Variants in ST3GAL6 observed in about 807,000 individuals in gnomAD.
ST3GAL6 encodes the protein type 2 lactosamine alpha-2,3-sialyltransferase.
Under a neutral mutation model 40.5 loss-of-function variants are expected in ST3GAL6, and 31 were observed. That is an observed-to-expected ratio of 0.77 (90% CI 0.58 to 1.03). ST3GAL6 has a LOEUF of 1.03. ST3GAL6 is among the 50% of genes least tolerant of loss of function. ST3GAL6 has a pLI of 0.00. For synonymous variants in ST3GAL6, 129 were observed against 136.9 expected (o/e 0.94, Z 0.40); for missense variants, 357 against 393.2 (o/e 0.91, Z 0.78).
intron 1 of ST3GAL6, among the ~76,000 whole-genome samples, chr3:98,757,089 G>A (rs1456013029): frequency 6.6e-6 from 1 of 152,056 alleles, no homozygotes; most frequent in Admixed American, 6.5e-5. Flanking sequence ...AGACATCAAT[G>A]TATAACTTTA....
At chr3:98,744,085 G>A (rs1036106170) in intron 1 of ST3GAL6, among the ~76,000 whole-genome samples, 5 of 152,308 alleles carry the variant, frequency 3.3e-5, no homozygotes, top group South Asian at 4.1e-4. Context: ...AAAACACCAC[G>A]TGAAGACAGA....
At chr3:98,752,595 G>C (rs921357421) in intron 1 of ST3GAL6, among the ~76,000 whole-genome samples, 2 of 151,692 alleles carry the variant, frequency 1.3e-5, no homozygotes, top group Non-Finnish European at 2.9e-5. Flanking sequence ...CCTCAGCCTC[G>C]CGAGTAGCTG....
chr3:98,759,122 A>G (rs1336134626), upstream of ST3GAL6, among the ~76,000 whole-genome samples: 2 of 152,260 alleles, frequency 1.3e-5, no homozygotes, highest in Non-Finnish European at 2.9e-5. Flanking sequence ...TACCAGGCAA[A>G]GTGACAAGAT....
intron 1 of ST3GAL6, among the ~76,000 whole-genome samples, chr3:98,758,247 A>T (rs1530655): frequency 0.28 from 42,311 of 152,070 alleles, 6,277 homozygotes; most frequent in Admixed American, 0.4. Context: ...CTTGTTAAAC[A>T]TTGCTAGAGT....
chr3:98,786,820 T>TC (rs1940763695), intron 6 of ST3GAL6, among the ~76,000 whole-genome samples: 1 of 151,924 alleles, frequency 6.6e-6, no homozygotes, highest in African/African-American at 2.4e-5. Flanking sequence ...GTGGTTAATG[T>TC]TTCATAATGG....
At position 98,750,970 on chromosome 3, in the gene ST3GAL6, T is replaced by C. The variant is rs560224580; in HGVS notation, c.-11-17460T>C. On this transcript the variant is annotated intron_variant, in intron 1 of 9. Coordinates refer to the ST3GAL6 transcript ENST00000265261. ...CTTCCTTGATTTAAGCTTCCCCAGG[T>C]GTAACTAAATCCCTGTTTCCCCCAG... 5.3e-5 allele frequency among the ~76,000 whole-genome samples: 8 copies of C among 152,222 alleles called. No individual in the cohort carries two copies. The South Asian group carries it at 1.7e-3, about 32-fold the overall frequency.
chr3:98,748,992 A>G (rs1576042174), intron 1 of ST3GAL6, among the ~76,000 whole-genome samples: 2 of 152,258 alleles, frequency 1.3e-5, no homozygotes, highest in Middle Eastern at 3.4e-3. Flanking sequence ...TTGGAACTTG[A>G]TGATTACTTG....
At chr3:98,742,579 A>G (rs1936183436) in intron 1 of ST3GAL6, among the ~76,000 whole-genome samples, 1 of 152,226 alleles carries the variant, frequency 6.6e-6, no homozygotes, top group Admixed American at 6.5e-5. Context: ...TGAGGGGTCC[A>G]TGCTTACCAA....
chr3:98,751,579 A>G (rs1937012377), intron 1 of ST3GAL6, among the ~76,000 whole-genome samples: 1 of 152,232 alleles, frequency 6.6e-6, no homozygotes, highest in Non-Finnish European at 1.5e-5. Context: ...TCTGTAATCT[A>G]CAATTCAGCA....
chr3:98,745,025 T>A lies in ST3GAL6; in HGVS notation c.-12+12493T>A, dbSNP rs536948325. On this transcript the variant is annotated intron_variant, in intron 1 of 9. Transcript: ENST00000265261. The stretch of plus-strand genomic sequence containing the variant: ...AACTGCCTTACAACTTTTTTTTTTT[T>A]AAATTTTATTTATTTATTTATTTTT... 7.4e-4 allele frequency among the ~76,000 whole-genome samples: 113 copies of A among 151,786 alleles called. No individual in the cohort carries two copies. In the South Asian group the frequency reaches 7.9e-3, roughly 11 times the overall value.
chr3:98,758,963 A>C (rs1243419183), upstream of ST3GAL6, among the ~76,000 whole-genome samples: 4 of 152,226 alleles, frequency 2.6e-5, no homozygotes, highest in East Asian at 7.7e-4. Flanking sequence ...GCAAATTCCC[A>C]GGGTGATACA....
At chr3:98,738,656 A>T (rs1166341355) in intron 1 of ST3GAL6, among the ~76,000 whole-genome samples, 3 of 152,252 alleles carry the variant, frequency 2.0e-5, no homozygotes, top group Non-Finnish European at 4.4e-5. Context: ...TCAATTCAAC[A>T]GGAAGACCTA....
intron 5 of ST3GAL6, 66 bp from the exon 6 acceptor site, chr3:98,784,879 C>A: frequency 7.6e-7 from 1 of 1,313,666 alleles, no homozygotes; most frequent in Non-Finnish European, 1.1e-6. Flanking sequence ...TGACAGTATG[C>A]ATGGATTCTT....
Position 98,794,989 on chromosome 3 carries a change from A to T in ST3GAL6, c.*1228A>T, listed in dbSNP as rs1941495539. The T allele has an allele frequency of 6.6e-6, 1 of 152,204 alleles. No individual in the cohort carries two copies. Among genetic ancestry groups the T allele is most frequent in the South Asian group, 2.1e-4 (1 of 4,828 alleles). The allele number at this position is 152,204 out of a possible 1,614,324, so 9.4% of individuals were successfully genotyped here. ...TCCCATGATTAAAGCTAATCTTCAG[A>T]TGGAAAGCTTGCCTGGCTACCTAGG... On this transcript the variant is annotated 3_prime_UTR_variant, in exon 10 of 10. Transcript: ENST00000483910.
At chr3:98,788,681 C>T (rs1412211346) in intron 8 of ST3GAL6, among the ~76,000 whole-genome samples, 2 of 152,070 alleles carry the variant, frequency 1.3e-5, no homozygotes, top group East Asian at 1.9e-4. Flanking sequence ...TTTTTTCCTG[C>T]CCTTGTAGGG....
chr3:98,743,065 G>A (rs961974844), intron 1 of ST3GAL6, among the ~76,000 whole-genome samples: 7 of 137,764 alleles, frequency 5.1e-5, no homozygotes, highest in South Asian at 2.3e-4. Flanking sequence ...CTGGAATATC[G>A]TGGTGCAATC....
chr3:98,740,240 T>TC (rs1403017895), intron 1 of ST3GAL6, among the ~76,000 whole-genome samples: 1 of 151,488 alleles, frequency 6.6e-6, no homozygotes, highest in East Asian at 1.9e-4. Flanking sequence ...TTTTTTTTTT[T>TC]TTTTTTTACA....
In ST3GAL6 at chr3:98,748,647, G is replaced by A. The variant is rs562090204; in HGVS notation, c.-12+16115G>A. Among the ~76,000 whole-genome samples the A allele has an allele frequency of 7.2e-5, 11 of 152,118 alleles. No homozygotes were observed. In the East Asian group the frequency reaches 1.2e-3, roughly 16 times the overall value. ...GCCTGGCTAATTTTTTGTATTTTTC[G>A]TAGAGACGGGGTTTTGCCATGTTGG... is the stretch of plus-strand genomic sequence containing the variant. On this transcript the variant is annotated intron_variant, in intron 1 of 9. Transcript: ENST00000265261.
At chr3:98,781,679 G>A (rs1266706879) in intron 5 of ST3GAL6, among the ~76,000 whole-genome samples, 1 of 152,150 alleles carries the variant, frequency 6.6e-6, no homozygotes, top group Non-Finnish European at 1.5e-5. Flanking sequence ...GATGGATGCA[G>A]GAGCCCCTGA....
Sources: allele counts gnomAD v4.1 joint callset (sites outside exome capture counted in the v4.1 genomes callset), GRCh38; gene constraint gnomAD v4.1.1; transcripts MANE v1.5; gene names NCBI Gene and HGNC (gene_info 2026-07-23, HGNC 2026-07-21).